MAML3: variants seen among roughly 807,000 people sequenced by gnomAD.
MAML3 encodes mastermind-like protein 3.
In MAML3, 27 loss-of-function variants were observed where a neutral mutation model predicts 101.9. The observed-to-expected ratio is 0.27, with a 90% CI of 0.20 to 0.37. The LOEUF (loss-of-function observed/expected upper bound fraction) is 0.37, where lower values mean the gene tolerates loss of function less well. MAML3 is among the 10% of genes least tolerant of loss of function. The pLI is 1.00. For missense variants in MAML3, 1,316 were observed against 1,444.9 expected (o/e 0.91, Z 1.45); for synonymous variants, 501 against 555.9 (o/e 0.90, Z 1.39).
intron 1 of MAML3, among the ~76,000 whole-genome samples, chr4:140,116,216 C>T (rs1463662738): frequency 1.3e-5 from 2 of 152,160 alleles, no homozygotes; most frequent in East Asian, 1.9e-4. Flanking sequence ...TATGACAATA[C>T]CACAAATTAT....
At chr4:139,882,478 C>T (rs1357767847) in intron 2 of MAML3, among the ~76,000 whole-genome samples, 1 of 151,784 alleles carries the variant, frequency 6.6e-6, no homozygotes, top group Non-Finnish European at 1.5e-5. Flanking sequence ...TCCAAATGGC[C>T]CTGGACTTAA....
intron 2 of MAML3, chr4:139,731,445 A>AAC (rs1315804783): frequency 1.3e-5 from 2 of 154,106 alleles, no homozygotes; most frequent in Non-Finnish European, 2.5e-5. Context: ...TAAAAAAAAA[A>AAC]AAAAAAAAAA....
At chr4:140,120,867 A>T (rs1401856048) in intron 1 of MAML3, among the ~76,000 whole-genome samples, 1 of 152,228 alleles carries the variant, frequency 6.6e-6, no homozygotes, top group Non-Finnish European at 1.5e-5. Flanking sequence ...AATGGGTTAC[A>T]TTGTGGCAAT....
intron 2 of MAML3, among the ~76,000 whole-genome samples, chr4:139,767,262 C>T (rs1477053740): frequency 6.6e-6 from 1 of 152,152 alleles, no homozygotes; most frequent in Non-Finnish European, 1.5e-5. Context: ...CGGATGTGTT[C>T]GTTAGGAAAG....
intron 1 of MAML3, among the ~76,000 whole-genome samples, chr4:140,002,934 T>G (rs1379475958): frequency 6.6e-6 from 1 of 152,186 alleles, no homozygotes; most frequent in Non-Finnish European, 1.5e-5. Context: ...CAGGGTCTGT[T>G]GGAACCATGC....
chr4:140,027,152 G>A (rs1225056321), intron 1 of MAML3, among the ~76,000 whole-genome samples: 2 of 151,848 alleles, frequency 1.3e-5, no homozygotes, highest in East Asian at 1.9e-4. Flanking sequence ...CTCACATGGC[G>A]TGCTTGAAGA....
intron 2 of MAML3, among the ~76,000 whole-genome samples, chr4:139,748,350 C>T (rs1169323577): frequency 6.6e-6 from 1 of 152,122 alleles, no homozygotes; most frequent in East Asian, 1.9e-4. Context: ...AACAGGCTCA[C>T]ACCCCAAAAC....
At chr4:139,783,030 AG>A (rs1178910434) in intron 2 of MAML3, among the ~76,000 whole-genome samples, 1 of 152,202 alleles carries the variant, frequency 6.6e-6, no homozygotes, top group Non-Finnish European at 1.5e-5. Context: ...TCCAGCTGAT[AG>A]GAATCCTTCC....
chr4:139,883,889 C>CTTTTTTTT (rs70943452), intron 2 of MAML3, among the ~76,000 whole-genome samples: 2 of 74,320 alleles, frequency 2.7e-5, no homozygotes, highest in African/African-American at 5.3e-5. Context: ...AATTGCTTGT[C>CTTTTTTTT]TTTTTTTTTT....
At chr4:139,867,511 G>A (rs548365400) in intron 2 of MAML3, among the ~76,000 whole-genome samples, 1 of 152,276 alleles carries the variant, frequency 6.6e-6, no homozygotes, top group African/African-American at 2.4e-5. Context: ...CATATTTAAT[G>A]TTGCCTGCAA....
intron 1 of MAML3, among the ~76,000 whole-genome samples, chr4:139,955,911 A>G (rs1366381922): frequency 1.3e-5 from 2 of 152,160 alleles, no homozygotes; most frequent in African/African-American, 4.8e-5. Flanking sequence ...GCCTAGGTGG[A>G]GCACAGCCTC....
intron 1 of MAML3, among the ~76,000 whole-genome samples, chr4:140,018,672 A>T (rs1726686585): frequency 1.3e-5 from 2 of 152,212 alleles, no homozygotes; most frequent in Admixed American, 6.5e-5. Context: ...CTTTGCAGTT[A>T]GAGAGGCAAG....
intron 1 of MAML3, among the ~76,000 whole-genome samples, chr4:139,995,562 G>A (rs932649098): frequency 5.3e-5 from 8 of 152,160 alleles, no homozygotes; most frequent in Admixed American, 5.2e-4. Context: ...GTCAGTTTTG[G>A]TGATGTGTAT....
At chr4:139,768,632 A>G (rs1729912635) in intron 2 of MAML3, among the ~76,000 whole-genome samples, 1 of 152,244 alleles carries the variant, frequency 6.6e-6, no homozygotes, top group Non-Finnish European at 1.5e-5. Context: ...CAGGAAATAA[A>G]GCAAAACCAA....
intron 2 of MAML3, among the ~76,000 whole-genome samples, chr4:139,828,603 T>G (rs1731103968): frequency 6.6e-6 from 1 of 151,792 alleles, no homozygotes. Flanking sequence ...AACAAATAGT[T>G]AAATACAACA....
intron 1 of MAML3, among the ~76,000 whole-genome samples, chr4:139,917,327 G>C (rs1297129917): frequency 2.0e-5 from 3 of 152,186 alleles, no homozygotes; most frequent in Non-Finnish European, 4.4e-5. Flanking sequence ...TCTGAGTCCA[G>C]GGAGACATAG....
chr4:139,973,568 C>G (rs1734267450), intron 1 of MAML3, among the ~76,000 whole-genome samples: 1 of 152,172 alleles, frequency 6.6e-6, no homozygotes, highest in South Asian at 2.1e-4. Flanking sequence ...CTTGGCATCA[C>G]CCCCACAGGG....
At chr4:139,896,607 GGTGTGTGTGT>G (rs113274639) in intron 1 of MAML3, among the ~76,000 whole-genome samples, 1 of 144,680 alleles carries the variant, frequency 6.9e-6, no homozygotes, top group Non-Finnish European at 1.5e-5. Flanking sequence ...CTGTGAAACT[GGTGTGTGTGT>G]GTGTGTGTGT....
intron 1 of MAML3, among the ~76,000 whole-genome samples, chr4:139,953,722 C>A (rs974300446): frequency 2.0e-5 from 3 of 152,160 alleles, no homozygotes; most frequent in Non-Finnish European, 4.4e-5. Context: ...TTTTTCGAAA[C>A]CAGTGGTACA....
Sources: gnomAD v4.1 joint callset for allele counts (sites outside exome capture counted in the v4.1 genomes callset) on GRCh38, gnomAD v4.1.1 for gene constraint, MANE v1.5 for transcripts, NCBI Gene and HGNC (gene_info 2026-07-23, HGNC 2026-07-21) for gene names.